The following CLNK variants were observed in gnomAD, a reference collection of about 807,000 sequenced individuals.
The protein encoded by CLNK is cytokine-dependent hematopoietic cell linker.
In CLNK, 74 loss-of-function variants were observed where a neutral mutation model predicts 68.6. The ratio of observed to expected loss-of-function variants is 1.08; its 90% CI spans 0.89 to 1.31. The LOEUF is 1.31. Ranked by LOEUF, CLNK falls within the 50% of genes most tolerant of loss-of-function variation. The probability of loss-of-function intolerance (pLI) is 0.00; values close to 1 mark genes in which losing one functional copy is unlikely to be tolerated. For synonymous variants in CLNK, 198 were observed against 172.2 expected (o/e 1.15, Z -1.17); for missense variants, 553 against 515.3 (o/e 1.07, Z -0.71).
intron 2 of CLNK, among the ~76,000 whole-genome samples, chr4:10,631,351 C>T (rs145029094): frequency 9.2e-5 from 14 of 152,230 alleles, no homozygotes; most frequent in African/African-American, 1.7e-4. Context: ...AGGTGGCACT[C>T]GGTAAGTAGA....
At chr4:10,703,777 G>A in the CLNK span, among the ~76,000 whole-genome samples, 3 of 152,244 alleles carry the variant, frequency 2.0e-5, no homozygotes, top group East Asian at 1.9e-4. Context: ...ACTGAACACT[G>A]GAGGAAATTG....
chr4:10,687,441 T>C (rs150426591), upstream of CLNK, among the ~76,000 whole-genome samples: 455 of 145,830 alleles, frequency 3.1e-3, 2 homozygotes, highest in African/African-American at 0.011. Flanking sequence ...GGAGCAGAAA[T>C]GGAGAAAAAA....
chr4:10,520,904 A>T, intron 14 of CLNK, 73 bp from the exon 15 acceptor site: 1 of 1,078,318 alleles, frequency 9.3e-7, no homozygotes, highest in Non-Finnish European at 1.4e-6. Flanking sequence ...CTCAGAGGCA[A>T]GGTCAATGAT....
intron 15 of CLNK, among the ~76,000 whole-genome samples, chr4:10,515,938 A>G (rs1717816258): frequency 6.6e-6 from 1 of 152,198 alleles, no homozygotes; most frequent in Non-Finnish European, 1.5e-5. Context: ...TAGGGCTTTG[A>G]TTTCACATGA....
At chr4:10,618,723 G>T (rs1259801727) in intron 2 of CLNK, among the ~76,000 whole-genome samples, 1 of 152,186 alleles carries the variant, frequency 6.6e-6, no homozygotes, top group Non-Finnish European at 1.5e-5. Flanking sequence ...ATCTTCCATG[G>T]CAGAAGCAGG....
chr4:10,553,297 G>A (rs1057446981), intron 8 of CLNK, among the ~76,000 whole-genome samples: 4 of 152,104 alleles, frequency 2.6e-5, no homozygotes, highest in Non-Finnish European at 4.4e-5. Context: ...AGGTTCCATG[G>A]ACACTTAAGT....
intron 2 of CLNK, among the ~76,000 whole-genome samples, chr4:10,660,622 C>A (rs1724159261): frequency 6.6e-6 from 1 of 152,186 alleles, no homozygotes; most frequent in Non-Finnish European, 1.5e-5. Context: ...ACCTTGTGGA[C>A]AGTCAGTAGG....
chr4:10,695,330 T>G, the CLNK span, among the ~76,000 whole-genome samples: 1 of 152,242 alleles, frequency 6.6e-6, no homozygotes, highest in Non-Finnish European at 1.5e-5. Flanking sequence ...TGAGAATTAT[T>G]ATTTCTCAAT....
intron 3 of CLNK, among the ~76,000 whole-genome samples, chr4:10,594,518 T>A (rs1721315204): frequency 6.6e-6 from 1 of 152,208 alleles, no homozygotes; most frequent in Non-Finnish European, 1.5e-5. Context: ...TTGGCCAGAA[T>A]CTGGGAATCA....
intron 17 of CLNK, among the ~76,000 whole-genome samples, chr4:10,502,874 G>A (rs1412569817): frequency 6.6e-6 from 1 of 152,072 alleles, no homozygotes; most frequent in Non-Finnish European, 1.5e-5. Context: ...GATTCAGAGT[G>A]ACAGAAGCCA....
intron 2 of CLNK, among the ~76,000 whole-genome samples, chr4:10,627,784 C>A (rs1722734127): frequency 6.6e-6 from 1 of 152,186 alleles, no homozygotes; most frequent in Admixed American, 6.5e-5. Context: ...CACTCCCACC[C>A]CCACAGGCAT....
chr4:10,501,799 C>T (rs1165131556), intron 17 of CLNK, among the ~76,000 whole-genome samples: 6 of 152,092 alleles, frequency 3.9e-5, no homozygotes, highest in Admixed American at 1.3e-4. Context: ...TGGTGGCGGG[C>T]GCCTGTAATC....
Position 10,529,216 on chromosome 4 carries a change from A to G in CLNK, c.631-1122T>C, listed in dbSNP as rs1054119910. Among the ~76,000 whole-genome samples the G allele has an allele frequency of 2.0e-5, 3 of 152,206 alleles. No homozygotes were observed. The East Asian group carries it at 5.8e-4, about 29-fold the overall frequency. Reference sequence around the variant, plus strand: ...CATGAACCTTCTGCAATGAAAAGCTAAATTTTTTTCTCTATAAGTATGTGC... The same window carrying G: ...CATGAACCTTCTGCAATGAAAAGCTGAATTTTTTTCTCTATAAGTATGTGC... On this transcript the variant is annotated intron_variant, in intron 12 of 18. Coordinates refer to ENST00000226951, the MANE Select transcript of CLNK (RefSeq NM_052964.4).
At chr4:10,718,530 C>T in the CLNK span, among the ~76,000 whole-genome samples, 1 of 151,114 alleles carries the variant, frequency 6.6e-6, no homozygotes. Context: ...GTAAAGCCAG[C>T]ATTTTATATC....
chr4:10,546,243 T>C (rs1214815865), intron 8 of CLNK, among the ~76,000 whole-genome samples: 7 of 152,228 alleles, frequency 4.6e-5, no homozygotes, highest in Non-Finnish European at 1.0e-4. Flanking sequence ...ACTTCTCTTT[T>C]AATTAAAAAT....
At chr4:10,647,638 G>C (rs1294189334) in intron 2 of CLNK, among the ~76,000 whole-genome samples, 6 of 152,116 alleles carry the variant, frequency 3.9e-5, no homozygotes, top group African/African-American at 1.4e-4. Context: ...TAGCAGTTCA[G>C]GGAGGGAAGT....
At position 10,528,074 on chromosome 4, in the gene CLNK, A is replaced by AC. The variant is rs1718393149; in HGVS notation, c.649+1dup. On this transcript the variant is annotated splice_donor_variant, in intron 13 of 18. Transcript: ENST00000226951. LOFTEE classifies it high-confidence loss of function. ...GTAAGAAAACAAATGTAAACAATTC[A>AC]CCTTTTTCTGCTTCAAGGACCTGTA... 23 of 1,357,532 alleles carry AC rather than the reference A, an allele frequency of 1.7e-5. No individual in the cohort carries two copies. The highest frequency in any genetic ancestry group is 2.2e-5 in the Non-Finnish European group (23 of 1,033,194). 84.1% of individuals were successfully genotyped at this position (1,357,532 alleles called of 1,614,324 possible). A position where few individuals can be genotyped will look rare whatever the true frequency, so the allele number is the denominator to read the frequency against.
intron 2 of CLNK, among the ~76,000 whole-genome samples, chr4:10,636,518 G>A (rs1250971404): frequency 1.3e-5 from 2 of 152,144 alleles, no homozygotes; most frequent in African/African-American, 4.8e-5. Context: ...GTTGTTGTAG[G>A]CCACCCAGTT....
chr4:10,633,802 T>G (rs1722980288), intron 2 of CLNK, among the ~76,000 whole-genome samples: 1 of 152,250 alleles, frequency 6.6e-6, no homozygotes, highest in Non-Finnish European at 1.5e-5. Context: ...TGCTAGATAT[T>G]GTTATGCACT....
Sources: allele counts gnomAD v4.1 joint callset (sites outside exome capture counted in the v4.1 genomes callset), GRCh38; gene constraint gnomAD v4.1.1; transcripts MANE v1.5; gene names NCBI Gene and HGNC (gene_info 2026-07-23, HGNC 2026-07-21).